FAAH: variants seen among roughly 807,000 people sequenced by gnomAD.
The protein encoded by FAAH is fatty-acid amide hydrolase 1.
A neutral mutation model predicts 69.7 loss-of-function variants in FAAH; 63 were observed. That is an observed-to-expected ratio of 0.90 (90% CI 0.74 to 1.12). The LOEUF is 1.12. Ranked by LOEUF, FAAH falls within the 50% of genes most tolerant of loss-of-function variation. The probability of loss-of-function intolerance (pLI) is 0.00; values close to 1 mark genes in which losing one functional copy is unlikely to be tolerated. For missense variants in FAAH, 680 were observed against 755.0 expected, an observed-to-expected ratio of 0.90 and a Z score of 1.16; for synonymous variants, 305 against 324.2, an observed-to-expected ratio of 0.94 and a Z score of 0.64.
chr1:46,412,214 C>T lies in FAAH; in HGVS notation c.1428C>T (p.Ala476=), dbSNP rs200400088. 4.5e-6 allele frequency: 7 copies of T among 1,558,232 alleles called. No individual in the cohort carries two copies. Among genetic ancestry groups the T allele is most frequent in the African/African-American group, 1.4e-5 (1 of 73,306 alleles). Residue 476 remains alanine, a synonymous_variant, in exon 13 of 15, where the codon GCC becomes GCT. Transcript: ENST00000243167. ...ATGTGGTGCTGACCCCCATGCTGGC[C>T]CCTGCTCTGGACTTGAATGCCCCAG... ...DLDVVLTPML[A]PALDLNAPGR... is the part of the protein sequence containing the mutation.
At chr1:46,395,915 A>T (rs1454027553) in intron 1 of FAAH, among the ~76,000 whole-genome samples, 4 of 152,220 alleles carry the variant, frequency 2.6e-5, no homozygotes, top group Non-Finnish European at 5.9e-5. Context: ...CAGGTGGGAC[A>T]AGAGACTGAG....
intron 2 of FAAH, among the ~76,000 whole-genome samples, chr1:46,403,388 C>T (rs1040744410): frequency 1.8e-4 from 28 of 152,208 alleles, no homozygotes; most frequent in Non-Finnish European, 2.4e-4. Flanking sequence ...TGAGCCACCG[C>T]GCCTGGCCTG....
chr1:46,412,064 C>A, intron 12 of FAAH, 79 bp from the exon 13 acceptor site: 1 of 1,289,776 alleles, frequency 7.8e-7, no homozygotes. Context: ...AGAGCCACCC[C>A]AGCCACAGTC....
chr1:46,408,011 C>T (rs532566112), intron 7 of FAAH, among the ~76,000 whole-genome samples: 41 of 152,164 alleles, frequency 2.7e-4, no homozygotes, highest in African/African-American at 7.7e-4. Flanking sequence ...ATATTCTAAC[C>T]GAACCCACGG....
At position 46,410,913 on chromosome 1, in the gene FAAH, C is replaced by G; in HGVS notation, c.1316+59C>G. ...TGCCTGTCCTGATCCGAGTCTGGGT[C>G]TGGGTAGTTTCTGACAGGAAAGGAC... On this transcript the variant is annotated intron_variant, in intron 11 of 14. Coordinates refer to ENST00000243167, the MANE Select transcript of FAAH (RefSeq NM_001441.3). This position sits in a 1 kb window ranked among gnomAD's most constrained non-coding sequence, Gnocchi z 4.9. 1 of 1,607,090 alleles carries G rather than the reference C, an allele frequency of 6.2e-7. No homozygotes were observed. The highest frequency in any genetic ancestry group is 8.5e-7 in the Non-Finnish European group (1 of 1,173,560).
In FAAH at chr1:46,410,940, T is replaced by C. The variant is rs1027731503; in HGVS notation, c.1316+86T>C. 3.2e-6 allele frequency: 5 copies of C among 1,553,566 alleles called. No homozygotes were observed. Among genetic ancestry groups the C allele is most frequent in the Non-Finnish European group, 4.4e-6 (5 of 1,125,562 alleles). On this transcript the variant is annotated intron_variant, in intron 11 of 14. Coordinates refer to ENST00000243167, the MANE Select transcript of FAAH (RefSeq NM_001441.3). This position sits in a 1 kb window ranked among gnomAD's most constrained non-coding sequence, Gnocchi z 4.9. ...GGGTAGTTTCTGACAGGAAAGGACT[T>C]GAGGGAAGTAGCCTCTGAGGCTGGA...
In FAAH at chr1:46,397,528, GC is replaced by G. The variant is rs1443564267; in HGVS notation, c.195+2986del. Among the ~76,000 whole-genome samples the G allele has an allele frequency of 1.5e-4, 23 of 151,814 alleles. 1 individual carries two copies. Among genetic ancestry groups the G allele is most frequent in the Non-Finnish European group, 1.5e-5 (1 of 67,958 alleles). ...GATTGACAATAGCTTTGTAGGCTTT[GC>G]GGGGGAGTAGGATTTTTTTTTGGTT... On this transcript the variant is annotated intron_variant, in intron 1 of 14. Coordinates refer to ENST00000243167, the MANE Select transcript of FAAH (RefSeq NM_001441.3).
rs534734018 is a variant in FAAH at position 46,398,239 on chromosome 1, C to T, written c.195+3696C>T. On this transcript the variant is annotated intron_variant, in intron 1 of 14. Coordinates refer to ENST00000243167, the MANE Select transcript of FAAH (RefSeq NM_001441.3). ...TGTGAGCCACCTCACCCGGCCAGGA[C>T]GTGGGAGTTTTAGCTGAACCCAGCC... Among the ~76,000 whole-genome samples, 44 of 152,214 alleles carry T rather than the reference C, an allele frequency of 2.9e-4. 1 individual carries two copies. The highest frequency in any genetic ancestry group is 1.4e-3 in the South Asian group (7 of 4,828).
intron 12 of FAAH, 132 bp from the exon 13 acceptor site, chr1:46,412,011 C>T (rs1211625738): frequency 1.3e-6 from 1 of 799,056 alleles, no homozygotes; most frequent in Non-Finnish European, 2.2e-6. Flanking sequence ...GGACCTGTGT[C>T]CCACTGTGGC....
At chr1:46,408,728 T>C (rs958635035) in intron 8 of FAAH, 144 bp downstream of exon 8, 3 of 1,261,730 alleles carry the variant, frequency 2.4e-6, no homozygotes, top group Non-Finnish European at 3.4e-6. Context: ...GGGACAAGTA[T>C]ATAGAGGGCT....
Position 46,394,429 on chromosome 1 carries a change from G to C in FAAH, c.81G>C (p.Val27=), listed in dbSNP as rs754034116. The part of the protein sequence containing the change: ...ALACCFVAAA[V]ALRWSGRRTA... ...CCTGCTGCTTCGTGGCGGCGGCCGT[G>C]GCCCTGCGCTGGTCCGGGCGCCGGA... The change falls in exon 1 of 15, where the codon GTG becomes GTC. Residue 27 remains valine (V), a synonymous_variant. Coordinates refer to ENST00000243167, the MANE Select transcript of FAAH (RefSeq NM_001441.3). 1 of 1,425,514 alleles carries C rather than the reference G, an allele frequency of 7.0e-7. No homozygotes were observed. Among genetic ancestry groups the C allele is most frequent in the Non-Finnish European group, 9.1e-7 (1 of 1,093,520 alleles). 88.3% of individuals were successfully genotyped at this position (1,425,514 alleles called of 1,614,324 possible).
At position 46,394,489 on chromosome 1, in the gene FAAH, G is replaced by A; in HGVS notation, c.141G>A (p.Arg47=). 7.2e-7 allele frequency: 1 copy of A among 1,397,178 alleles called. No individual in the cohort carries two copies. Among genetic ancestry groups the A allele is most frequent in the Non-Finnish European group, 9.2e-7 (1 of 1,081,290 alleles). The allele number at this position is 1,397,178 out of a possible 1,614,324, so 86.5% of individuals were successfully genotyped here. Reference sequence around the variant, plus strand: ...GCGCGGTGGTCCGGGCGCGACAGAGGCAGCGAGCGGGCCTGGAGAACATGG... The same window carrying A: ...GCGCGGTGGTCCGGGCGCGACAGAGACAGCGAGCGGGCCTGGAGAACATGG... ...ARGAVVRARQ[R]QRAGLENMDR... The change falls in exon 1 of 15, where the codon AGG becomes AGA. Residue 47 remains arginine (R), a synonymous_variant. Coordinates refer to ENST00000243167, the MANE Select transcript of FAAH (RefSeq NM_001441.3).
chr1:46,411,520 G>T lies in FAAH; in HGVS notation c.1317-92G>T, dbSNP rs944250567. 2 of 1,369,640 alleles carry T rather than the reference G, an allele frequency of 1.5e-6. No homozygotes were observed. Among genetic ancestry groups the T allele is most frequent in the East Asian group, 2.4e-5 (1 of 41,812 alleles). 84.8% of individuals were successfully genotyped at this position (1,369,640 alleles called of 1,614,324 possible). On this transcript the variant is annotated intron_variant, in intron 11 of 14. Coordinates refer to ENST00000243167, the MANE Select transcript of FAAH (RefSeq NM_001441.3). This position sits in a 1 kb window ranked among gnomAD's most constrained non-coding sequence, Gnocchi z 4.8. ...GGGGTTGTGAAGGGTCCACGGAGGG[G>T]TGAGATCTAGAGGGTTGGCAGTAGG...
intron 13 of FAAH, among the ~76,000 whole-genome samples, chr1:46,412,706 G>T (rs1462576955): frequency 6.6e-6 from 1 of 152,118 alleles, no homozygotes; most frequent in Non-Finnish European, 1.5e-5. Context: ...GGCTACTCGG[G>T]GGGCTGAGGC....
chr1:46,401,217 G>A (rs1569810168), intron 1 of FAAH, among the ~76,000 whole-genome samples: 1 of 151,270 alleles, frequency 6.6e-6, no homozygotes, highest in Admixed American at 6.6e-5. Flanking sequence ...GAAGCAGGAG[G>A]AGGGGAAGCC....
In FAAH at chr1:46,394,474, C is replaced by A; in HGVS notation, c.126C>A (p.Val42=). The A allele has an allele frequency of 7.2e-7, 1 of 1,387,324 alleles. No homozygotes were observed. The highest frequency in any genetic ancestry group is 1.7e-5 in the South Asian group (1 of 60,186). 85.9% of individuals were successfully genotyped at this position (1,387,324 alleles called of 1,614,324 possible). The change falls in exon 1 of 15, where the codon GTC becomes GTA. Residue 42 remains valine (V), a synonymous_variant. Coordinates refer to ENST00000243167, the MANE Select transcript of FAAH (RefSeq NM_001441.3). ...GCCGGACGGCGCGGGGCGCGGTGGT[C>A]CGGGCGCGACAGAGGCAGCGAGCGG... ...SGRRTARGAV[V]RARQRQRAGL... is the part of the protein sequence containing the mutation.
At chr1:46,397,686 C>T (rs576334671) in intron 1 of FAAH, among the ~76,000 whole-genome samples, 2 of 152,072 alleles carry the variant, frequency 1.3e-5, no homozygotes, top group South Asian at 2.1e-4. Context: ...CTCAGCCTCC[C>T]GAGTAGCTGG....
In FAAH at chr1:46,405,040, C is replaced by T. The variant is rs767883526; in HGVS notation, c.336C>T (p.Asn112=). The change falls in exon 3 of 15, where the codon AAC becomes AAT. Residue 112 remains asparagine, a synonymous_variant. Transcript: ENST00000243167. This position sits in a 1 kb window ranked among gnomAD's most constrained non-coding sequence, Gnocchi z 4.1. ...GKAWEVNKGT[N]CVTSYLADCE... ...CCTGGGAAGTGAACAAAGGGACCAA[C>T]TGTGTGACCTCCTATCTGGCTGACT... The T allele has an allele frequency of 6.2e-7, 1 of 1,614,132 alleles. No homozygotes were observed. Among genetic ancestry groups the T allele is most frequent in the Non-Finnish European group, 8.5e-7 (1 of 1,180,042 alleles).
chr1:46,405,847 G>C lies in FAAH; in HGVS notation c.785+53G>C, dbSNP rs775951056. On this transcript the variant is annotated intron_variant, in intron 5 of 14. Coordinates refer to ENST00000243167, the MANE Select transcript of FAAH (RefSeq NM_001441.3). This position sits in a 1 kb window ranked among gnomAD's most constrained non-coding sequence, Gnocchi z 4.1. ...CCCCTCGCTGTGTGACCTTGGCCTA[G>C]CTTCCAACCTCTCTGGGCTCCAGGC... is the stretch of plus-strand genomic sequence containing the variant. 6.2e-6 allele frequency: 10 copies of C among 1,608,930 alleles called. No homozygotes were observed. The highest frequency in any genetic ancestry group is 7.6e-6 in the Non-Finnish European group (9 of 1,177,880).
Sources: gnomAD v4.1 joint callset for allele counts (sites outside exome capture counted in the v4.1 genomes callset) on GRCh38, gnomAD v4.1.1 for gene constraint, Gnocchi (gnomAD v3.1) non-coding constraint, MANE v1.5 for transcripts, NCBI Gene and HGNC (gene_info 2026-07-23, HGNC 2026-07-21) for gene names.